Variants in VAPA observed in about 807,000 individuals in gnomAD.
VAPA encodes the protein vesicle-associated membrane protein-associated protein A.
A neutral mutation model predicts 25.6 loss-of-function variants in VAPA; 6 were observed. That is an observed-to-expected ratio of 0.23 (90% confidence interval 0.13 to 0.46). The LOEUF (loss-of-function observed/expected upper bound fraction) is 0.46. Among genes scored for constraint, VAPA ranks in the 20% least tolerant of loss-of-function variants. The pLI is 0.99. For synonymous variants in VAPA, 112 were observed against 106.2 expected (o/e 1.05, Z -0.34); for missense variants, 244 against 302.1 (o/e 0.81, Z 1.43).
rs1168179068 is a variant in VAPA at position 9,959,933 on chromosome 18, G to C, written c.*5722G>C. The C allele has an allele frequency of 6.6e-6, 1 of 151,946 alleles. No individual in the cohort carries two copies. The highest frequency in any genetic ancestry group is 1.5e-5 in the Non-Finnish European group (1 of 67,948). The allele number at this position is 151,946 out of a possible 1,614,324, so 9.4% of individuals were successfully genotyped here. On this transcript the variant is annotated 3_prime_UTR_variant, in exon 6 of 6. Coordinates refer to ENST00000400000, the MANE Select transcript of VAPA (RefSeq NM_194434.3). ...ATATAATATGTAGATAAATATATGA[G>C]GGTATTAAGCTACTTTGAATTAAAT...
chr18:9,945,648 G>T (rs181096756), intron 4 of VAPA, among the ~76,000 whole-genome samples: 15 of 152,246 alleles, frequency 9.9e-5, no homozygotes, highest in Admixed American at 2.0e-4. Flanking sequence ...ATAGGCGTGA[G>T]CCACCACATG....
At chr18:9,931,752 C>T (rs2069257186) in intron 1 of VAPA, 58 bp from the exon 2 acceptor site, 2 of 1,456,334 alleles carry the variant, frequency 1.4e-6, no homozygotes, top group Admixed American at 2.1e-5. Context: ...GTTTTGAATC[C>T]TTCGTTGTTG....
chr18:9,936,907 T>C (rs556990256), intron 3 of VAPA, 79 bp from the exon 4 acceptor site: 4 of 1,266,990 alleles, frequency 3.2e-6, no homozygotes, highest in Non-Finnish European at 3.4e-6. Context: ...TCACTCATCT[T>C]TTAGCTGTCC....
At position 9,958,665 on chromosome 18, in the gene VAPA, T is replaced by G. The variant is rs147472220; in HGVS notation, c.*4454T>G. 2.4e-3 allele frequency: 363 copies of G among 152,182 alleles called. 1 individual carries two copies. The highest frequency in any genetic ancestry group is 8.3e-3 in the African/African-American group (346 of 41,524). 9.4% of individuals were successfully genotyped at this position (152,182 alleles called of 1,614,324 possible). A position where few individuals can be genotyped will look rare whatever the true frequency, so the allele number is the denominator to read the frequency against. ...GGTTTTTAAATGCCAAAGGCAGATA[T>G]GAAGTAGATTTAATTAAGACTTGAC... On this transcript the variant is annotated 3_prime_UTR_variant, in exon 6 of 6. Coordinates refer to ENST00000400000, the MANE Select transcript of VAPA (RefSeq NM_194434.3).
Position 9,950,544 on chromosome 18 carries a change from A to G in VAPA, c.567A>G (p.Leu189=), listed in dbSNP as rs753930732. Reference sequence around the variant, plus strand: ...GACTTCAGGGAGAAATGATGAAGCTATCAGAAGAAAATCGGCACCTGAGAG... The same window carrying G: ...GACTTCAGGGAGAAATGATGAAGCTGTCAGAAGAAAATCGGCACCTGAGAG... The part of the protein sequence containing the change: ...CKRLQGEMMK[L]SEENRHLRDE... The change falls in exon 5 of 6, where the codon CTA becomes CTG. Residue 189 remains leucine (L), a synonymous_variant. Coordinates refer to ENST00000400000, the MANE Select transcript of VAPA (RefSeq NM_194434.3). 7 of 1,612,016 alleles carry G rather than the reference A, an allele frequency of 4.3e-6. No individual in the cohort carries two copies. The highest frequency in any genetic ancestry group is 4.5e-5 in the East Asian group (2 of 44,876).
chr18:9,935,073 C>T (rs1212673164), intron 2 of VAPA, among the ~76,000 whole-genome samples: 4 of 133,504 alleles, frequency 3.0e-5, no homozygotes, highest in African/African-American at 8.5e-5. Context: ...CCAGCCTGGG[C>T]GACAGAGCAA....
chr18:9,922,208 G>A (rs2069162651), intron 1 of VAPA, among the ~76,000 whole-genome samples: 1 of 151,988 alleles, frequency 6.6e-6, no homozygotes, highest in Non-Finnish European at 1.5e-5. Context: ...GGCCTCAAGC[G>A]ATCCTCCTGC....
intron 5 of VAPA, among the ~76,000 whole-genome samples, chr18:9,953,792 T>C (rs1477119323): frequency 1.3e-5 from 2 of 152,234 alleles, no homozygotes; most frequent in Non-Finnish European, 2.9e-5. Flanking sequence ...TATTGAGGTA[T>C]AATTTATATC....
chr18:9,925,649 A>G (rs1273077999), intron 1 of VAPA, among the ~76,000 whole-genome samples: 1 of 152,140 alleles, frequency 6.6e-6, no homozygotes, highest in Non-Finnish European at 1.5e-5. Flanking sequence ...TGTGTTTGAA[A>G]AAAACATACA....
chr18:9,957,323 A>C lies in VAPA; in HGVS notation c.*3112A>C, dbSNP rs2069561910. ...CAGGTGTGAGCTGCCGCACCCAGCC[A>C]AGAAAAATAATACTCTTAAATACTT... On this transcript the variant is annotated 3_prime_UTR_variant, in exon 6 of 6. Coordinates refer to ENST00000400000, the MANE Select transcript of VAPA (RefSeq NM_194434.3). The C allele has an allele frequency of 6.6e-6, 1 of 152,214 alleles. No homozygotes were observed. The highest frequency in any genetic ancestry group is 2.4e-5 in the African/African-American group (1 of 41,468). The allele number at this position is 152,214 out of a possible 1,614,324, so 9.4% of individuals were successfully genotyped here.
At chr18:9,931,473 A>G (rs1368966882) in intron 1 of VAPA, among the ~76,000 whole-genome samples, 2 of 152,208 alleles carry the variant, frequency 1.3e-5, no homozygotes, top group African/African-American at 4.8e-5. Context: ...TTTGCAGACA[A>G]CTGGGAAATT....
rs186384174 is a variant in VAPA, at chr18:9,943,077, G to C, written c.417+6011G>C. On this transcript the variant is annotated intron_variant, in intron 4 of 5. Transcript: ENST00000400000. ...TTTGTTGATTTCTTTAGACTTTTTAGGACCTTGATACTGGATATATAAGTA... is the reference window on the plus strand; with the variant it reads ...TTTGTTGATTTCTTTAGACTTTTTACGACCTTGATACTGGATATATAAGTA... Among the ~76,000 whole-genome samples, 157 of 152,250 alleles carry C rather than the reference G, an allele frequency of 1.0e-3. 3 individuals are homozygous for C. Among genetic ancestry groups the C allele is most frequent in the Non-Finnish European group, 1.9e-3 (126 of 68,012 alleles).
At chr18:9,933,984 GA>G (rs2069282806) in intron 2 of VAPA, among the ~76,000 whole-genome samples, 1 of 152,174 alleles carries the variant, frequency 6.6e-6, no homozygotes, top group Admixed American at 6.5e-5. Flanking sequence ...TATTTCTTGA[GA>G]AAACAACGTA....
intron 1 of VAPA, 59 bp downstream of exon 1, chr18:9,914,394 CG>C (rs915377607): frequency 1.2e-5 from 17 of 1,452,658 alleles, no homozygotes; most frequent in Admixed American, 2.4e-5. Context: ...TGGCTGTCGG[CG>C]GGGGGGCGCG....
At chr18:9,949,902 G>C (rs1390011935) in intron 4 of VAPA, 1 of 153,806 alleles carries the variant, frequency 6.5e-6, no homozygotes. Flanking sequence ...ATAGAAGTTA[G>C]CTTTTCTTGG....
At chr18:9,949,699 T>C (rs2069467022) in intron 4 of VAPA, 2 of 152,216 alleles carry the variant, frequency 1.3e-5, no homozygotes, top group Admixed American at 6.5e-5. Flanking sequence ...GTTGGGGTAC[T>C]TTAGACAACG....
chr18:9,941,674 C>T (rs1428455229), intron 4 of VAPA, among the ~76,000 whole-genome samples: 2 of 151,890 alleles, frequency 1.3e-5, no homozygotes, highest in African/African-American at 4.8e-5. Context: ...GTTAATATTC[C>T]TTTTCTTTGT....
chr18:9,946,099 A>T (rs16955878), intron 4 of VAPA, among the ~76,000 whole-genome samples: 3,380 of 152,250 alleles, frequency 0.022, 153 homozygotes, highest in African/African-American at 0.077. Context: ...CTCTTTTTCT[A>T]ATTAACCCCC....
intron 1 of VAPA, among the ~76,000 whole-genome samples, chr18:9,926,431 G>A (rs2069200617): frequency 6.6e-6 from 1 of 152,144 alleles, no homozygotes; most frequent in Non-Finnish European, 1.5e-5. Context: ...AATTTACAAA[G>A]ACCTTGTCAA....
Sources: gnomAD v4.1 joint callset for allele counts (sites outside exome capture counted in the v4.1 genomes callset) on GRCh38, gnomAD v4.1.1 for gene constraint, MANE v1.5 for transcripts, NCBI Gene and HGNC (gene_info 2026-07-23, HGNC 2026-07-21) for gene names.